The following PHACTR1 variants were observed in gnomAD, a reference collection of about 807,000 sequenced individuals.
PHACTR1 encodes phosphatase and actin regulator 1.
Under a neutral mutation model 69.2 loss-of-function variants are expected in PHACTR1, and 16 were observed. That is an observed-to-expected ratio of 0.23 (90% CI 0.16 to 0.35). PHACTR1 has a LOEUF of 0.35. PHACTR1 is among the 10% of genes least tolerant of loss of function. The probability of loss-of-function intolerance (pLI) is 1.00; values close to 1 mark genes in which losing one functional copy is unlikely to be tolerated. For synonymous variants in PHACTR1, 312 were observed against 284.5 expected, an observed-to-expected ratio of 1.10 and a Z score of -0.97; for missense variants, 510 against 734.7, an observed-to-expected ratio of 0.69 and a Z score of 3.54.
intron 5 of PHACTR1, among the ~76,000 whole-genome samples, chr6:13,098,471 C>A (rs1485534966): frequency 1.3e-5 from 2 of 152,206 alleles, no homozygotes; most frequent in Non-Finnish European, 2.9e-5. Flanking sequence ...TTGGCTTCAA[C>A]TATCATCTAC....
At chr6:13,031,728 A>G (rs774928756) in intron 4 of PHACTR1, among the ~76,000 whole-genome samples, 1 of 152,244 alleles carries the variant, frequency 6.6e-6, no homozygotes, top group Non-Finnish European at 1.5e-5. Context: ...GGATGCATTT[A>G]ATTTGTAAAA....
chr6:12,791,435 G>A (rs1772260088), intron 4 of PHACTR1, among the ~76,000 whole-genome samples: 1 of 152,164 alleles, frequency 6.6e-6, no homozygotes, highest in Non-Finnish European at 1.5e-5. Flanking sequence ...ACTCCACAAT[G>A]AAACGACCGG....
At chr6:13,069,019 G>A (rs1205508813) in intron 5 of PHACTR1, among the ~76,000 whole-genome samples, 1 of 152,050 alleles carries the variant, frequency 6.6e-6, no homozygotes, top group African/African-American at 2.4e-5. Context: ...GGAGAATATG[G>A]TCACCCTGTA....
At chr6:13,220,900 G>C (rs1459639698) in intron 8 of PHACTR1, among the ~76,000 whole-genome samples, 1 of 152,200 alleles carries the variant, frequency 6.6e-6, no homozygotes, top group Non-Finnish European at 1.5e-5. Context: ...GAGGCAGGAA[G>C]ATCATCAGCC....
At chr6:12,860,629 C>T (rs895080536) in intron 4 of PHACTR1, among the ~76,000 whole-genome samples, 2 of 152,208 alleles carry the variant, frequency 1.3e-5, no homozygotes, top group African/African-American at 2.4e-5. Context: ...TAAAAGCATT[C>T]CTGTTTCTCC....
At chr6:13,137,537 C>T (rs1021708354) in intron 5 of PHACTR1, among the ~76,000 whole-genome samples, 4 of 152,106 alleles carry the variant, frequency 2.6e-5, no homozygotes, top group Non-Finnish European at 5.9e-5. Context: ...ATCTATGTAC[C>T]GTTTTCTGTC....
chr6:12,910,638 ATAT>A (rs1245643285), intron 4 of PHACTR1, among the ~76,000 whole-genome samples: 1 of 152,226 alleles, frequency 6.6e-6, no homozygotes, highest in East Asian at 1.9e-4. Context: ...GAGCACGTAC[ATAT>A]TATTATTGAC....
rs76609414 is a variant in PHACTR1, at chr6:12,918,372, C to T, written c.251-134993C>T. 9.1e-3 allele frequency among the ~76,000 whole-genome samples: 1,381 copies of T among 152,260 alleles called. 27 individuals are homozygous for T. Among genetic ancestry groups the T allele is most frequent in the African/African-American group, 0.03 (1,259 of 41,522 alleles). Reference sequence around the variant, plus strand: ...ATTTTTATGCTGTAGCCAATGTAATCACACACACATATCCGTATACTTCAA... The same window carrying T: ...ATTTTTATGCTGTAGCCAATGTAATTACACACACATATCCGTATACTTCAA... On this transcript the variant is annotated intron_variant, in intron 4 of 14. Transcript: ENST00000332995.
At chr6:12,737,698 G>A (rs75150566) in intron 3 of PHACTR1, among the ~76,000 whole-genome samples, 5,235 of 151,524 alleles carry the variant, frequency 0.035, 301 homozygotes, top group African/African-American at 0.12. Context: ...GGGCTCAAGC[G>A]ATCCTCTTGC....
intron 3 of PHACTR1, among the ~76,000 whole-genome samples, chr6:12,727,361 C>T (rs1220367708): frequency 2.6e-5 from 4 of 152,154 alleles, no homozygotes; most frequent in Non-Finnish European, 5.9e-5. Context: ...GGACAATTCT[C>T]CGTAGGCAAA....
chr6:12,893,882 G>A (rs1437722113), intron 4 of PHACTR1, among the ~76,000 whole-genome samples: 1 of 152,170 alleles, frequency 6.6e-6, no homozygotes, highest in Non-Finnish European at 1.5e-5. Flanking sequence ...GAAGATTCTG[G>A]AACCCCTCTA....
intron 13 of PHACTR1, among the ~76,000 whole-genome samples, chr6:13,285,185 C>T (rs148721378): frequency 7.8e-4 from 119 of 152,272 alleles, no homozygotes; most frequent in African/African-American, 2.6e-3. Flanking sequence ...GCTCTTAGGC[C>T]GAAAACATAT....
chr6:12,728,667 A>G (rs1233179963), intron 3 of PHACTR1, among the ~76,000 whole-genome samples: 1 of 152,222 alleles, frequency 6.6e-6, no homozygotes, highest in Non-Finnish European at 1.5e-5. Context: ...GGATTAAATG[A>G]ACCATAGTTT....
chr6:13,094,666 C>T (rs944520116), intron 5 of PHACTR1, among the ~76,000 whole-genome samples: 1 of 151,950 alleles, frequency 6.6e-6, no homozygotes, highest in Non-Finnish European at 1.5e-5. Flanking sequence ...AGGCTGAAGG[C>T]GACAGAGATG....
chr6:12,915,549 G>T (rs1354042307), intron 4 of PHACTR1, among the ~76,000 whole-genome samples: 1 of 149,064 alleles, frequency 6.7e-6, no homozygotes, highest in Non-Finnish European at 1.5e-5. Flanking sequence ...GAGGAGAAGT[G>T]CCCTTCTTCC....
At chr6:12,894,562 G>A (rs750938274) in intron 4 of PHACTR1, among the ~76,000 whole-genome samples, 3 of 152,186 alleles carry the variant, frequency 2.0e-5, no homozygotes, top group Middle Eastern at 3.2e-3. Context: ...CCGAGGTCAC[G>A]CCACTGCACT....
At chr6:13,222,374 A>T (rs1260942245) in intron 8 of PHACTR1, among the ~76,000 whole-genome samples, 2 of 152,192 alleles carry the variant, frequency 1.3e-5, no homozygotes, top group Non-Finnish European at 2.9e-5. Flanking sequence ...GTCAGCCTGG[A>T]GCTCTTGCAT....
intron 4 of PHACTR1, among the ~76,000 whole-genome samples, chr6:12,894,323 G>T (rs1165018197): frequency 1.3e-5 from 2 of 152,092 alleles, no homozygotes. Context: ...TTTTCATTTG[G>T]GCGGGGCACA....
At chr6:12,758,466 TAAAAAAAAAAAA>T (rs11361990) in intron 4 of PHACTR1, among the ~76,000 whole-genome samples, 1 of 95,796 alleles carries the variant, frequency 1.0e-5, no homozygotes, top group Non-Finnish European at 2.0e-5. Context: ...ACTCTCTTTC[TAAAAAAAAAAAA>T]AAAAAAAAGG....
Sources: allele counts gnomAD v4.1 joint callset (sites outside exome capture counted in the v4.1 genomes callset), GRCh38; gene constraint gnomAD v4.1.1; transcripts MANE v1.5; gene names NCBI Gene and HGNC (gene_info 2026-07-23, HGNC 2026-07-21).